The following ADAM18 variants were observed in gnomAD, a reference collection of about 807,000 sequenced individuals.
The protein encoded by ADAM18 is ADAM metallopeptidase domain 18, also known as disintegrin and metalloproteinase domain-containing protein 18.
ADAM18 carries 117 observed loss-of-function variants against 94.4 expected under a neutral mutation model. The observed-to-expected ratio is 1.24, with a 90% CI of 1.07 to 1.45. ADAM18 has a LOEUF of 1.45. ADAM18 is among the 40% of genes most tolerant of loss of function. The pLI, the probability that ADAM18 is intolerant of heterozygous loss-of-function variation, is 0.00. For synonymous variants in ADAM18, 327 were observed against 291.6 expected (o/e 1.12, Z -1.24); for missense variants, 936 against 880.0 (o/e 1.06, Z -0.81).
chr8:39,640,456 C>T (rs1254636720), intron 10 of ADAM18, among the ~76,000 whole-genome samples: 2 of 152,018 alleles, frequency 1.3e-5, no homozygotes, highest in Non-Finnish European at 2.9e-5. Context: ...GATTCAATGT[C>T]TTTGCTATTG....
chr8:39,718,522 A>G (rs1467635345), intron 18 of ADAM18, among the ~76,000 whole-genome samples: 1 of 151,520 alleles, frequency 6.6e-6, no homozygotes, highest in African/African-American at 2.4e-5. Flanking sequence ...TCATATAATT[A>G]AAGAATAGAA....
chr8:39,634,245 A>G (rs1354247368), intron 7 of ADAM18, among the ~76,000 whole-genome samples: 1 of 152,102 alleles, frequency 6.6e-6, no homozygotes, highest in African/African-American at 2.4e-5. Context: ...ACCTGGTGCT[A>G]ACTCTCCAGG....
At chr8:39,685,408 G>A (rs533769730) in intron 16 of ADAM18, 17 of 152,410 alleles carry the variant, frequency 1.1e-4, no homozygotes, top group African/African-American at 3.4e-4. Flanking sequence ...GAGGCATCAT[G>A]AGCAGTAAGT....
At chr8:39,661,036 C>G (rs926153856) in intron 12 of ADAM18, among the ~76,000 whole-genome samples, 1 of 151,722 alleles carries the variant, frequency 6.6e-6, no homozygotes, top group African/African-American at 2.4e-5. Context: ...ATACCTGCTT[C>G]CTTTTGGGAT....
chr8:39,637,393 G>T, intron 8 of ADAM18, 58 bp downstream of exon 8: 17 of 1,517,200 alleles, frequency 1.1e-5, no homozygotes, highest in Middle Eastern at 1.8e-4. Context: ...ATATAATTTG[G>T]GTTCTATCTT....
At chr8:39,657,994 A>G (rs1210102889) in intron 12 of ADAM18, among the ~76,000 whole-genome samples, 2 of 152,204 alleles carry the variant, frequency 1.3e-5, no homozygotes, top group African/African-American at 2.4e-5. Flanking sequence ...TAAAATATCC[A>G]GCTGTATGCT....
chr8:39,663,746 G>A (rs1820913769), intron 12 of ADAM18, 49 bp from the exon 13 acceptor site: 1 of 1,229,070 alleles, frequency 8.1e-7, no homozygotes, highest in African/African-American at 1.5e-5. Flanking sequence ...AGAAACAAGA[G>A]CTTTTAAGTG....
At chr8:39,686,994 G>T (rs1390768208) in intron 16 of ADAM18, among the ~76,000 whole-genome samples, 2 of 152,170 alleles carry the variant, frequency 1.3e-5, no homozygotes, top group African/African-American at 4.8e-5. Context: ...TTTTAAAATA[G>T]ATTCCTATTT....
chr8:39,700,911 G>A (rs112318476), intron 17 of ADAM18, among the ~76,000 whole-genome samples: 1 of 151,242 alleles, frequency 6.6e-6, no homozygotes. Context: ...TCAGGAGATC[G>A]AGACCATCCT....
chr8:39,634,987 T>C lies in ADAM18; in HGVS notation c.589-2277T>C, dbSNP rs192412131. Among the ~76,000 whole-genome samples the C allele has an allele frequency of 9.9e-5, 15 of 152,252 alleles. No homozygotes were observed. In the East Asian group the frequency reaches 2.9e-3, roughly 29 times the overall value. On this transcript the variant is annotated intron_variant, in intron 7 of 19. Transcript: ENST00000265707. ...TATTAAAACTTAATGGCCAATGTGA[T>C]GGTATTAAGGAATGGGACCATTTAG... is the stretch of plus-strand genomic sequence containing the variant.
At chr8:39,628,101 C>G (rs1819823330) in intron 6 of ADAM18, among the ~76,000 whole-genome samples, 1 of 151,866 alleles carries the variant, frequency 6.6e-6, no homozygotes, top group Admixed American at 6.6e-5. Flanking sequence ...CATTAAATAT[C>G]AATTTTAATA....
At chr8:39,653,314 A>T (rs1820590795) in intron 12 of ADAM18, among the ~76,000 whole-genome samples, 1 of 152,182 alleles carries the variant, frequency 6.6e-6, no homozygotes, top group Admixed American at 6.5e-5. Flanking sequence ...GTATTTTTAA[A>T]AAAAACAACA....
rs148186223 is a variant in ADAM18 at position 39,615,226 on chromosome 8, T to TA, written c.522+4533dup. 3.2e-3 allele frequency among the ~76,000 whole-genome samples: 435 copies of TA among 137,718 alleles called. 2 individuals are homozygous for TA. Among genetic ancestry groups the TA allele is most frequent in the Admixed American group, 6.3e-3 (87 of 13,756 alleles). 90.3% of individuals were successfully genotyped at this position (137,718 alleles called of 152,430 possible). A position where few individuals can be genotyped will look rare whatever the true frequency, so the allele number is the denominator to read the frequency against. On this transcript the variant is annotated intron_variant, in intron 6 of 19. Transcript: ENST00000265707. Reference sequence around the variant, plus strand: ...GACCATAATGCAATTCTCAACAAATTAAAAAAAAAAAAACATACGGACCAC... The same window carrying TA: ...GACCATAATGCAATTCTCAACAAATTAAAAAAAAAAAAAACATACGGACCAC...
At chr8:39,682,814 A>G (rs1821504933) in intron 16 of ADAM18, among the ~76,000 whole-genome samples, 1 of 152,220 alleles carries the variant, frequency 6.6e-6, no homozygotes, top group African/African-American at 2.4e-5. Context: ...GCTAACTCAG[A>G]TGAAGAAATA....
At chr8:39,586,680 T>C (rs944593983) in intron 2 of ADAM18, among the ~76,000 whole-genome samples, 1 of 152,154 alleles carries the variant, frequency 6.6e-6, no homozygotes, top group Non-Finnish European at 1.5e-5. Context: ...TCAGCTGTGA[T>C]TGTGTCACTG....
At chr8:39,697,617 CT>C (rs1028019106) in intron 17 of ADAM18, among the ~76,000 whole-genome samples, 6 of 151,738 alleles carry the variant, frequency 4.0e-5, no homozygotes, top group African/African-American at 1.4e-4. Context: ...TATATTTACT[CT>C]TTCTATTTCT....
intron 18 of ADAM18, among the ~76,000 whole-genome samples, chr8:39,720,282 C>G (rs186285806): frequency 6.6e-6 from 1 of 151,348 alleles, no homozygotes; most frequent in African/African-American, 2.4e-5. Context: ...AGAATGCAGA[C>G]CAGATTAGTG....
At chr8:39,584,730 C>G in intron 1 of ADAM18, 53 bp downstream of exon 1, 2 of 1,587,032 alleles carry the variant, frequency 1.3e-6, no homozygotes, top group Non-Finnish European at 1.7e-6. Flanking sequence ...CTGGGCTGGG[C>G]TCTTACTGGG....
chr8:39,611,390 TG>T (rs1247602488), intron 6 of ADAM18: 13 of 962,688 alleles, frequency 1.4e-5, no homozygotes, highest in Non-Finnish European at 1.6e-5. Flanking sequence ...TAAATGGATG[TG>T]TTTTGAAATT....
Sources: allele counts gnomAD v4.1 joint callset (sites outside exome capture counted in the v4.1 genomes callset), GRCh38; gene constraint gnomAD v4.1.1; transcripts MANE v1.5; gene names NCBI Gene and HGNC (gene_info 2026-07-23, HGNC 2026-07-21).